TULP4: variants seen among roughly 807,000 people sequenced by gnomAD.
TULP4 encodes TUB like protein 4, also known as tubby-related protein 4.
TULP4 carries 16 observed loss-of-function variants against 129.0 expected under a neutral mutation model. That is an observed-to-expected ratio of 0.12 (90% CI 0.08 to 0.19). TULP4 has a LOEUF of 0.19. Ranked by LOEUF, TULP4 falls within the 10% of genes least tolerant of loss-of-function variation. The pLI is 1.00. For missense variants in TULP4, 1,842 were observed against 2,059.1 expected, an observed-to-expected ratio of 0.89 and a Z score of 2.04; for synonymous variants, 998 against 854.0, an observed-to-expected ratio of 1.17 and a Z score of -2.94.
chr6:158,453,490 A>AAAAAAAAAAAAAAAAAAAAAAAAAAC (rs1779212285), intron 5 of TULP4, among the ~76,000 whole-genome samples: 1 of 135,496 alleles, frequency 7.4e-6, no homozygotes, highest in African/African-American at 3.1e-5. Context: ...TCTCACAAAA[A>AAAAAAAAAAAAAAAAAAAAAAAAAAC]AAAAAAAAAA....
In TULP4 at chr6:158,378,485, T is replaced by TTTTTTTTTG. The variant is rs1554285635; in HGVS notation, c.253-34580_253-34579insTTTTTTTTG. 1.9e-3 allele frequency among the ~76,000 whole-genome samples: 96 copies of TTTTTTTTTG among 51,372 alleles called. 1 individual carries two copies. The highest frequency in any genetic ancestry group is 3.4e-3 in the East Asian group (7 of 2,032). 33.7% of individuals were successfully genotyped at this position (51,372 alleles called of 152,430 possible). ...CCAGTTTTTTTTTTTTTTTTTTTTT[T>TTTTTTTTTG]GGTGGGGGTGGGGGTGGGAGATGGA... On this transcript the variant is annotated intron_variant, in intron 1 of 13. Coordinates refer to ENST00000367097, the MANE Select transcript of TULP4 (RefSeq NM_020245.5).
chr6:158,357,527 C>T (rs1021677148), intron 1 of TULP4, among the ~76,000 whole-genome samples: 7 of 152,224 alleles, frequency 4.6e-5, no homozygotes, highest in African/African-American at 1.7e-4. Context: ...AGCAGCCCTG[C>T]GGCGGCCAGC....
At chr6:158,317,615 C>T (rs1583739698) in intron 1 of TULP4, among the ~76,000 whole-genome samples, 1 of 152,180 alleles carries the variant, frequency 6.6e-6, no homozygotes, top group Non-Finnish European at 1.5e-5. Flanking sequence ...TGAATAGTGC[C>T]GCAATAAACA....
chr6:158,259,157 G>A (rs1398927549), intron 1 of TULP4, among the ~76,000 whole-genome samples: 1 of 152,244 alleles, frequency 6.6e-6, no homozygotes, highest in Non-Finnish European at 1.5e-5. Flanking sequence ...TTGAACCCGG[G>A]AGGTAGAGGT....
chr6:158,374,980 C>T (rs1338622727), intron 1 of TULP4, among the ~76,000 whole-genome samples: 1 of 152,158 alleles, frequency 6.6e-6, no homozygotes, highest in Non-Finnish European at 1.5e-5. Context: ...TGGTGGCTCA[C>T]ACCTGTAATC....
chr6:158,309,655 G>A (rs1318981755), upstream of TULP4, among the ~76,000 whole-genome samples: 1 of 152,168 alleles, frequency 6.6e-6, no homozygotes, highest in Non-Finnish European at 1.5e-5. Context: ...TCGGGAGGCT[G>A]AGGCTGGCGG....
chr6:158,402,933 A>G (rs529657185), intron 1 of TULP4, among the ~76,000 whole-genome samples: 5 of 150,862 alleles, frequency 3.3e-5, no homozygotes, highest in South Asian at 2.1e-4. Context: ...GAGAATAACA[A>G]CCGATAACAG....
At chr6:158,252,098 A>G (rs1360152446) in intron 1 of TULP4, among the ~76,000 whole-genome samples, 2 of 152,180 alleles carry the variant, frequency 1.3e-5, no homozygotes. Flanking sequence ...TGTAGCAGAT[A>G]GAGCATCTAG....
chr6:158,238,432 T>A lies in TULP4; in HGVS notation n.68+6129T>A, dbSNP rs7754283. The A allele has an allele frequency of 1.1e-3, 440 of 394,590 alleles. 2 individuals carry two copies. The highest frequency in any genetic ancestry group is 4.9e-3 in the East Asian group (123 of 25,030). The allele number at this position is 394,590 out of a possible 1,614,324, so 24.4% of individuals were successfully genotyped here. ...GTTAAATTGTTTTTTTTTTTTTTTTTAAATTTATTTTTTTATTGATAATTC... is the reference window on the plus strand; with the variant it reads ...GTTAAATTGTTTTTTTTTTTTTTTTAAAATTTATTTTTTTATTGATAATTC... On this transcript the variant is annotated intron_variant and non_coding_transcript_variant, in intron 1 of 1. Coordinates refer to the TULP4 transcript ENST00000620026.
At chr6:158,275,635 T>C (rs1735923319) in intron 1 of TULP4, among the ~76,000 whole-genome samples, 1 of 152,220 alleles carries the variant, frequency 6.6e-6, no homozygotes, top group Admixed American at 6.5e-5. Flanking sequence ...ACTACACTAA[T>C]GGCAAGTTCT....
intron 1 of TULP4, among the ~76,000 whole-genome samples, chr6:158,296,387 G>A (rs928863448): frequency 6.6e-6 from 1 of 152,116 alleles, no homozygotes; most frequent in Non-Finnish European, 1.5e-5. Flanking sequence ...CAGCTGGGCC[G>A]CCGGAGGTGA....
chr6:158,239,747 C>A (rs1449555475), intron 1 of TULP4, among the ~76,000 whole-genome samples: 39 of 76,152 alleles, frequency 5.1e-4, no homozygotes, highest in Non-Finnish European at 9.1e-4. Flanking sequence ...CCAGACGGGG[C>A]GGCTGGCCGG....
In TULP4 at chr6:158,315,758, G is replaced by A. The variant is rs6903551; in HGVS notation, c.252+1490G>A. Reference sequence around the variant, plus strand: ...TGTTAGCAGTTTCAGTGTCTGGTGAGGGCTCTCTCCTCCATAAATGGCACC... The same window carrying A: ...TGTTAGCAGTTTCAGTGTCTGGTGAAGGCTCTCTCCTCCATAAATGGCACC... On this transcript the variant is annotated intron_variant, in intron 1 of 13. Coordinates refer to ENST00000367097, the MANE Select transcript of TULP4 (RefSeq NM_020245.5). Among the ~76,000 whole-genome samples, 579 of 152,316 alleles carry A rather than the reference G, an allele frequency of 3.8e-3. 4 individuals are homozygous for A. The highest frequency in any genetic ancestry group is 0.013 in the African/African-American group (551 of 41,556).
At chr6:158,362,183 G>C (rs957021992) in intron 1 of TULP4, among the ~76,000 whole-genome samples, 10 of 152,162 alleles carry the variant, frequency 6.6e-5, no homozygotes, top group African/African-American at 1.7e-4. Flanking sequence ...TGGGTTATTT[G>C]TACTGACTCT....
intron 3 of TULP4, among the ~76,000 whole-genome samples, chr6:158,441,790 A>G (rs1343764371): frequency 6.6e-6 from 1 of 152,112 alleles, no homozygotes; most frequent in East Asian, 1.9e-4. Flanking sequence ...CACACCCTGG[A>G]GCAAACACTG....
In TULP4 at chr6:158,502,720, C is replaced by T. The variant is rs369044012; in HGVS notation, c.3057C>T (p.Pro1019=). The change falls in exon 13 of 14, where the codon CCC becomes CCT. Residue 1019 remains proline, a synonymous_variant. Transcript: ENST00000367097. ...LQPLAKSKGG[P]GGVVTQLPAR... ...CCCTGGCCAAGTCCAAGGGCGGGCC[C>T]GGGGGGGTGGTGACACAGCTCCCAG... The T allele has an allele frequency of 3.3e-5, 52 of 1,565,034 alleles. No individual in the cohort carries two copies. Among genetic ancestry groups the T allele is most frequent in the Middle Eastern group, 1.7e-4 (1 of 5,906 alleles).
intron 2 of TULP4, among the ~76,000 whole-genome samples, chr6:158,421,418 G>A (rs1164811420): frequency 6.6e-6 from 1 of 152,086 alleles, no homozygotes; most frequent in Non-Finnish European, 1.5e-5. Context: ...AACTCAAAGG[G>A]GTCCGGGAGG....
At chr6:158,290,926 A>G (rs1778927707) in intron 1 of TULP4, among the ~76,000 whole-genome samples, 1 of 152,238 alleles carries the variant, frequency 6.6e-6, no homozygotes, top group Non-Finnish European at 1.5e-5. Flanking sequence ...GTGTCGGGCA[A>G]GCATTTAACC....
intron 13 of TULP4, 117 bp from the exon 14 acceptor site, chr6:158,506,461 G>A: frequency 1.3e-6 from 1 of 748,424 alleles, no homozygotes. Flanking sequence ...TCTATCTCCT[G>A]ACGTCGTGAT....
Sources: allele counts gnomAD v4.1 joint callset (sites outside exome capture counted in the v4.1 genomes callset), GRCh38; gene constraint gnomAD v4.1.1; transcripts MANE v1.5; gene names NCBI Gene and HGNC (gene_info 2026-07-23, HGNC 2026-07-21).